CSNK2A2IP: variants seen among roughly 807,000 people sequenced by gnomAD.
CSNK2A2IP encodes casein kinase 2 subunit alpha' interacting protein, also known as casein kinase II subunit alpha'-interacting protein.
chr3:88,406,090 A>G, the CSNK2A2IP span, among the ~76,000 whole-genome samples: 1 of 152,112 alleles, frequency 6.6e-6, no homozygotes, highest in Admixed American at 6.5e-5. Flanking sequence ...TCATTGGTCA[A>G]CTCTAGCCTA....
the CSNK2A2IP span, among the ~76,000 whole-genome samples, chr3:88,454,015 T>G: frequency 6.6e-6 from 1 of 152,038 alleles, no homozygotes; most frequent in Non-Finnish European, 1.5e-5. Context: ...GATAAAGTGT[T>G]TTCCAAACTT....
chr3:88,374,513 TAA>T, the CSNK2A2IP span, among the ~76,000 whole-genome samples: 1 of 151,810 alleles, frequency 6.6e-6, no homozygotes, highest in Admixed American at 6.6e-5. Flanking sequence ...GACACCTTCT[TAA>T]AAGTCTACCA....
the CSNK2A2IP span, among the ~76,000 whole-genome samples, chr3:88,349,177 T>C: frequency 5.3e-5 from 8 of 152,034 alleles, no homozygotes; most frequent in Non-Finnish European, 1.2e-4. Context: ...AGGTGGTTTT[T>C]GGTTACACGG....
chr3:88,448,776 T>A, the CSNK2A2IP span, among the ~76,000 whole-genome samples: 1 of 152,206 alleles, frequency 6.6e-6, no homozygotes, highest in South Asian at 2.1e-4. Flanking sequence ...GTCTGAGGTT[T>A]TGCCTGGCAA....
chr3:88,466,792 T>C, the CSNK2A2IP span: 1 of 856,330 alleles, frequency 1.2e-6, no homozygotes, highest in South Asian at 5.9e-5. Context: ...TTGCTTAGCT[T>C]GTGCTTCCTG....
the CSNK2A2IP span, among the ~76,000 whole-genome samples, chr3:88,456,615 A>G: frequency 1.4e-5 from 2 of 146,500 alleles, no homozygotes; most frequent in Admixed American, 1.4e-4. Flanking sequence ...TTTTCTATGT[A>G]TGATTATGTT....
chr3:88,363,658 A>G, the CSNK2A2IP span, among the ~76,000 whole-genome samples: 15 of 152,150 alleles, frequency 9.9e-5, no homozygotes, highest in South Asian at 2.1e-4. Context: ...TTGTATTTCT[A>G]TAAGTATTCT....
chr3:88,439,023 C>T, the CSNK2A2IP span, among the ~76,000 whole-genome samples: 28 of 152,250 alleles, frequency 1.8e-4, no homozygotes, highest in African/African-American at 6.5e-4. Flanking sequence ...AGCCTGATTG[C>T]GTCTCTAGCA....
At chr3:88,383,824 C>T in the CSNK2A2IP span, among the ~76,000 whole-genome samples, 7 of 151,836 alleles carry the variant, frequency 4.6e-5, no homozygotes, top group African/African-American at 1.7e-4. Context: ...CCACCACGCC[C>T]CGCTAATTTT....
the CSNK2A2IP span, among the ~76,000 whole-genome samples, chr3:88,344,179 A>C: frequency 6.6e-6 from 1 of 151,950 alleles, no homozygotes; most frequent in Admixed American, 6.6e-5. Context: ...GCTGTTAACT[A>C]TCTGTAGAGG....
At chr3:88,385,745 T>C in the CSNK2A2IP span, among the ~76,000 whole-genome samples, 3 of 152,234 alleles carry the variant, frequency 2.0e-5, no homozygotes, top group South Asian at 4.1e-4. Context: ...TTTAGCTGAC[T>C]TACCTTTAGA....
the CSNK2A2IP span, among the ~76,000 whole-genome samples, chr3:88,435,551 G>C: frequency 5.3e-5 from 8 of 152,014 alleles, no homozygotes; most frequent in Admixed American, 1.3e-4. Flanking sequence ...CCAATACCGA[G>C]GTTTATGGAG....
At chr3:88,359,218 C>T in the CSNK2A2IP span, among the ~76,000 whole-genome samples, 1 of 151,580 alleles carries the variant, frequency 6.6e-6, no homozygotes, top group African/African-American at 2.4e-5. Flanking sequence ...ATTTCTGTGG[C>T]ATCAGTTGTA....
chr3:88,449,677 C>T, the CSNK2A2IP span, among the ~76,000 whole-genome samples: 1 of 149,700 alleles, frequency 6.7e-6, no homozygotes. Flanking sequence ...AACAATCTAC[C>T]CAAGTGTGTC....
chr3:88,462,269 T>C, the CSNK2A2IP span, among the ~76,000 whole-genome samples: 1 of 152,160 alleles, frequency 6.6e-6, no homozygotes, highest in African/African-American at 2.4e-5. Context: ...AAGAAATCTT[T>C]GCATGCTCCA....
chr3:88,441,845 G>A, the CSNK2A2IP span, among the ~76,000 whole-genome samples: 2 of 152,016 alleles, frequency 1.3e-5, no homozygotes, highest in Admixed American at 6.6e-5. Flanking sequence ...GAGTGTCTGT[G>A]TTTTACAGAC....
chr3:88,446,048 T>TTCTC, the CSNK2A2IP span, among the ~76,000 whole-genome samples: 10 of 84,412 alleles, frequency 1.2e-4, no homozygotes, highest in Non-Finnish European at 2.2e-4. Flanking sequence ...CTTTCTTTCT[T>TTCTC]TCTTTCTTTC....
At chr3:88,405,384 T>A in the CSNK2A2IP span, among the ~76,000 whole-genome samples, 1 of 152,120 alleles carries the variant, frequency 6.6e-6, no homozygotes, top group Non-Finnish European at 1.5e-5. Context: ...TTAGGCAGGA[T>A]GTTTGCTACA....
At chr3:88,451,932 T>A in the CSNK2A2IP span, among the ~76,000 whole-genome samples, 1 of 152,192 alleles carries the variant, frequency 6.6e-6, no homozygotes, top group South Asian at 2.1e-4. Context: ...TACAATAATT[T>A]TTTGAATTGA....
Sources: gnomAD v4.1 joint callset for allele counts (sites outside exome capture counted in the v4.1 genomes callset) on GRCh38, gnomAD v4.1.1 for gene constraint, MANE v1.5 for transcripts, NCBI Gene and HGNC (gene_info 2026-07-23, HGNC 2026-07-21) for gene names.